The following EYS variants were observed in gnomAD, a reference collection of about 807,000 sequenced individuals.
The protein encoded by EYS is protein eyes shut homolog.
In EYS, 250 loss-of-function variants were observed where a neutral mutation model predicts 282.1. That is an observed-to-expected ratio of 0.89 (90% CI 0.80 to 0.98). The LOEUF (loss-of-function observed/expected upper bound fraction) is 0.98. EYS is among the 50% of genes least tolerant of loss of function. EYS has a pLI of 0.00. For missense variants in EYS, 4,016 were observed against 3,709.0 expected (o/e 1.08, Z -2.15); for synonymous variants, 1,355 against 1,282.9 (o/e 1.06, Z -1.20).
intron 33 of EYS, among the ~76,000 whole-genome samples, chr6:64,053,681 C>G (rs1404721785): frequency 6.6e-6 from 1 of 152,062 alleles, no homozygotes. Context: ...TATGCTTAGA[C>G]AATAGTAAGA....
At chr6:64,453,557 T>A (rs540391111) in intron 26 of EYS, among the ~76,000 whole-genome samples, 1 of 152,162 alleles carries the variant, frequency 6.6e-6, no homozygotes, top group Non-Finnish European at 1.5e-5. Flanking sequence ...CACATGCACA[T>A]GTATGTTTAC....
At chr6:64,751,210 T>C (rs549405984) in intron 22 of EYS, among the ~76,000 whole-genome samples, 1 of 152,288 alleles carries the variant, frequency 6.6e-6, no homozygotes, top group Admixed American at 6.5e-5. Context: ...TCCAGGCATA[T>C]GGCACATTTG....
At chr6:64,129,411 C>CA (rs1217714264) in intron 31 of EYS, among the ~76,000 whole-genome samples, 1 of 152,196 alleles carries the variant, frequency 6.6e-6, no homozygotes, top group African/African-American at 2.4e-5. Context: ...CTTTTGGCTG[C>CA]ATAAATGTCT....
Position 64,388,854 on chromosome 6 carries a change from A to G in EYS, c.5928-14T>C. The G allele has an allele frequency of 6.8e-7, 1 of 1,474,006 alleles. No homozygotes were observed. 91.3% of individuals were successfully genotyped at this position (1,474,006 alleles called of 1,614,324 possible). On this transcript the variant is annotated splice_polypyrimidine_tract_variant and intron_variant, in intron 28 of 42. Coordinates refer to ENST00000503581, the MANE Select transcript of EYS (RefSeq NM_001142800.2). Reference sequence around the variant, plus strand: ...TCCAATTCTTGCCTGTAACCATTTAAGAAAGAAATGGTTTTAGTATAAGTC... The same window carrying G: ...TCCAATTCTTGCCTGTAACCATTTAGGAAAGAAATGGTTTTAGTATAAGTC...
chr6:65,443,567 C>T (rs951311883), intron 5 of EYS, among the ~76,000 whole-genome samples: 5 of 148,018 alleles, frequency 3.4e-5, no homozygotes, highest in East Asian at 2.0e-4. Flanking sequence ...CATGTATACA[C>T]ACATATGTGT....
intron 14 of EYS, among the ~76,000 whole-genome samples, chr6:64,984,300 G>A (rs1055594071): frequency 3.6e-4 from 55 of 151,404 alleles, no homozygotes; most frequent in Middle Eastern, 3.4e-3. Context: ...TCTTCTAAAG[G>A]AGCAGAGAGG....
chr6:65,702,697 A>G (rs1349425126), intron 1 of EYS, among the ~76,000 whole-genome samples: 7 of 151,948 alleles, frequency 4.6e-5, no homozygotes, highest in African/African-American at 1.7e-4. Flanking sequence ...ACGTCAAAAA[A>G]TAAATAAATA....
chr6:63,790,937 T>C (rs1770494094), intron 37 of EYS, among the ~76,000 whole-genome samples: 1 of 152,190 alleles, frequency 6.6e-6, no homozygotes, highest in Admixed American at 6.5e-5. Flanking sequence ...CTTTCTGTCT[T>C]GTGCTCTCCT....
chr6:64,659,740 A>G (rs1768919819), intron 22 of EYS, among the ~76,000 whole-genome samples: 1 of 152,168 alleles, frequency 6.6e-6, no homozygotes, highest in Non-Finnish European at 1.5e-5. Flanking sequence ...TGAGGCAAAA[A>G]CTAAGAGCTT....
At chr6:64,558,824 G>A (rs183547042) in intron 26 of EYS, among the ~76,000 whole-genome samples, 2 of 152,198 alleles carry the variant, frequency 1.3e-5, no homozygotes, top group Admixed American at 1.3e-4. Flanking sequence ...TCAGTGTTAA[G>A]GTGTCACTTT....
At chr6:64,131,471 A>G (rs1275831916) in intron 31 of EYS, among the ~76,000 whole-genome samples, 1 of 152,164 alleles carries the variant, frequency 6.6e-6, no homozygotes, top group Non-Finnish European at 1.5e-5. Flanking sequence ...TATGCTCTTA[A>G]CCATTAGGCT....
chr6:65,017,736 C>T lies in EYS; in HGVS notation c.2138-20033G>A, dbSNP rs1442777882. Among the ~76,000 whole-genome samples, 5 of 152,178 alleles carry T rather than the reference C, an allele frequency of 3.3e-5. No individual in the cohort carries two copies. In the South Asian group the frequency reaches 6.2e-4, roughly 19 times the overall value. On this transcript the variant is annotated intron_variant, in intron 13 of 42. Coordinates refer to ENST00000503581, the MANE Select transcript of EYS (RefSeq NM_001142800.2). The stretch of plus-strand genomic sequence containing the variant: ...ACAAAAACAATAAAGCTGTCTAAAC[C>T]ACAAAATGGCTAACATTCATCTTTC...
chr6:64,436,540 T>A (rs747728237), intron 27 of EYS, among the ~76,000 whole-genome samples: 1 of 151,806 alleles, frequency 6.6e-6, no homozygotes, highest in African/African-American at 2.4e-5. Flanking sequence ...CTGAGGAACA[T>A]GGTTGAGAAA....
chr6:65,676,752 G>GA (rs1768615916), intron 1 of EYS, among the ~76,000 whole-genome samples: 1 of 151,488 alleles, frequency 6.6e-6, no homozygotes, highest in African/African-American at 2.4e-5. Context: ...AAAAACACTA[G>GA]AAAAAAATTG....
chr6:65,204,228 A>G (rs1562020755), intron 12 of EYS, among the ~76,000 whole-genome samples: 1 of 152,068 alleles, frequency 6.6e-6, no homozygotes, highest in Non-Finnish European at 1.5e-5. Context: ...AATATATTAT[A>G]CAGAATGTAC....
intron 26 of EYS, among the ~76,000 whole-genome samples, chr6:64,508,557 ATTATTAT>A (rs1777286052): frequency 7.7e-6 from 1 of 129,848 alleles, no homozygotes; most frequent in African/African-American, 3.7e-5. Flanking sequence ...AGTATTTATT[ATTATTAT>A]TATTATTATT....
intron 14 of EYS, among the ~76,000 whole-genome samples, chr6:64,969,494 C>T (rs1186841446): frequency 1.3e-5 from 2 of 152,038 alleles, no homozygotes; most frequent in Admixed American, 6.6e-5. Flanking sequence ...TAGGGGGTCA[C>T]TTTGGAAGCA....
intron 2 of EYS, among the ~76,000 whole-genome samples, chr6:65,514,489 C>T (rs1767039476): frequency 6.6e-6 from 1 of 152,146 alleles, no homozygotes; most frequent in Non-Finnish European, 1.5e-5. Context: ...CAAGTCAATC[C>T]TAAGCCAAAA....
intron 35 of EYS, among the ~76,000 whole-genome samples, chr6:63,927,411 T>C (rs1013394769): frequency 1.3e-5 from 2 of 152,182 alleles, no homozygotes; most frequent in Admixed American, 1.3e-4. Flanking sequence ...TGACAGACTT[T>C]GAAGATTTGT....
Sources: allele counts gnomAD v4.1 joint callset (sites outside exome capture counted in the v4.1 genomes callset), GRCh38; gene constraint gnomAD v4.1.1; transcripts MANE v1.5; gene names NCBI Gene and HGNC (gene_info 2026-07-23, HGNC 2026-07-21).